Variants in DMC1 observed in about 807,000 individuals in gnomAD.
DMC1 encodes the protein DNA meiotic recombinase 1.
Under a neutral mutation model 50.1 loss-of-function variants are expected in DMC1, and 27 were observed. The observed-to-expected ratio is 0.54, with a 90% CI of 0.40 to 0.74. The LOEUF (loss-of-function observed/expected upper bound fraction) is 0.74. DMC1 is among the 30% of genes least tolerant of loss of function. The pLI, the probability that DMC1 is intolerant of heterozygous loss-of-function variation, is 0.00. For missense variants in DMC1, 295 were observed against 420.2 expected, an observed-to-expected ratio of 0.70 and a Z score of 2.60; for synonymous variants, 148 against 136.1, an observed-to-expected ratio of 1.09 and a Z score of -0.61.
intron 7 of DMC1, 73 bp from the exon 8 acceptor site, chr22:38,550,070 G>T: frequency 9.3e-7 from 1 of 1,076,542 alleles, no homozygotes; most frequent in South Asian, 1.3e-5. Context: ...AAATACACAT[G>T]GAATCTGCTG....
At chr22:38,527,447 C>T (rs983243413) in intron 12 of DMC1, among the ~76,000 whole-genome samples, 21 of 151,844 alleles carry the variant, frequency 1.4e-4, no homozygotes, top group Admixed American at 8.5e-4. Context: ...TCAAGTGATC[C>T]GCCCACCTCG....
intron 6 of DMC1, among the ~76,000 whole-genome samples, chr22:38,552,979 C>T (rs949931777): frequency 1.3e-5 from 2 of 151,518 alleles, no homozygotes; most frequent in Non-Finnish European, 2.9e-5. Context: ...TCCTGAGTAG[C>T]TGGGATTACA....
chr22:38,554,279 G>A (rs770390193), intron 6 of DMC1, among the ~76,000 whole-genome samples: 13 of 152,000 alleles, frequency 8.6e-5, no homozygotes, highest in South Asian at 6.2e-4. Context: ...AAGCAAATTC[G>A]TTCTGGAGGA....
intron 3 of DMC1, among the ~76,000 whole-genome samples, chr22:38,567,110 A>G (rs558481187): frequency 6.6e-6 from 1 of 152,126 alleles, no homozygotes; most frequent in African/African-American, 2.4e-5. Context: ...TTAAATTTGT[A>G]AAGATTTTTT....
chr22:38,561,178 AT>A (rs75412644), intron 5 of DMC1, among the ~76,000 whole-genome samples: 458 of 141,492 alleles, frequency 3.2e-3, no homozygotes, highest in Middle Eastern at 3.6e-3. Context: ...CAGCTAATTA[AT>A]TTTTTTTTTT....
chr22:38,568,152 T>G (rs1448610755), intron 2 of DMC1, 54 bp downstream of exon 2: 13 of 1,538,362 alleles, frequency 8.5e-6, no homozygotes, highest in Non-Finnish European at 1.2e-5. Context: ...GGAAGGAACT[T>G]GATTTTTGCG....
At chr22:38,556,139 G>C (rs1015220197) in intron 5 of DMC1, among the ~76,000 whole-genome samples, 5 of 152,078 alleles carry the variant, frequency 3.3e-5, no homozygotes, top group Non-Finnish European at 7.4e-5. Flanking sequence ...GCCCATCTTA[G>C]TTATTAATTG....
the DMC1 span, among the ~76,000 whole-genome samples, chr22:38,510,547 G>A: frequency 6.6e-6 from 1 of 152,166 alleles, no homozygotes; most frequent in Non-Finnish European, 1.5e-5. Flanking sequence ...AGTATATCCT[G>A]CCAAGACCCC....
chr22:38,554,813 T>C (rs2090451693), intron 6 of DMC1, among the ~76,000 whole-genome samples: 1 of 151,666 alleles, frequency 6.6e-6, no homozygotes, highest in African/African-American at 2.4e-5. Flanking sequence ...AAAAAATCTA[T>C]TATCAGCTGG....
the DMC1 span, among the ~76,000 whole-genome samples, chr22:38,513,808 C>T: frequency 1.3e-5 from 2 of 152,330 alleles, no homozygotes; most frequent in South Asian, 2.1e-4. Context: ...TCAGGTGATC[C>T]GCCCTCCTCG....
chr22:38,560,054 CAAAT>C (rs2090510629), intron 5 of DMC1, among the ~76,000 whole-genome samples: 1 of 151,312 alleles, frequency 6.6e-6, no homozygotes, highest in South Asian at 2.1e-4. Context: ...AAAATAAACA[CAAAT>C]AAGTAAAATA....
intron 12 of DMC1, among the ~76,000 whole-genome samples, chr22:38,525,358 T>C (rs1236680200): frequency 6.6e-6 from 1 of 152,074 alleles, no homozygotes. Context: ...TAAAAGAAGA[T>C]AGATTCCCCC....
chr22:38,548,627 A>C (rs940703258), intron 8 of DMC1, among the ~76,000 whole-genome samples: 3 of 151,938 alleles, frequency 2.0e-5, no homozygotes. Flanking sequence ...TAATTCCAAC[A>C]CTTTGGGAGG....
Position 38,544,476 on chromosome 22 carries a change from T to C in DMC1, c.495-5064A>G, listed in dbSNP as rs1436145629. Among the ~76,000 whole-genome samples, 6 of 152,162 alleles carry C rather than the reference T, an allele frequency of 3.9e-5. No homozygotes were observed. In the East Asian group the frequency reaches 1.2e-3, roughly 29 times the overall value. ...TTCAGGTTGTCCCGCCTTTCCAGACTGGACCAATGTTCTTCTTACATATAC... is the reference window on the plus strand; with the variant it reads ...TTCAGGTTGTCCCGCCTTTCCAGACCGGACCAATGTTCTTCTTACATATAC... On this transcript the variant is annotated intron_variant, in intron 8 of 13. Coordinates refer to ENST00000216024, the MANE Select transcript of DMC1 (RefSeq NM_007068.4).
chr22:38,559,875 G>A (rs1032817288), intron 5 of DMC1, among the ~76,000 whole-genome samples: 3 of 151,974 alleles, frequency 2.0e-5, no homozygotes, highest in African/African-American at 7.2e-5. Context: ...AAAATTAGCC[G>A]GGCGTGGTGG....
downstream of DMC1, among the ~76,000 whole-genome samples, chr22:38,516,834 T>C (rs1459921654): frequency 6.6e-6 from 1 of 152,132 alleles, no homozygotes; most frequent in African/African-American, 2.4e-5. Context: ...TTTTTCTTTA[T>C]TTTTCTTTTT....
At position 38,557,654 on chromosome 22, in the gene DMC1, G is replaced by A. The variant is rs2090481447; in HGVS notation, c.327-2245C>T. Among the ~76,000 whole-genome samples the A allele has an allele frequency of 2.6e-5, 4 of 152,084 alleles. No homozygotes were observed. The South Asian group carries it at 8.3e-4, about 32-fold the overall frequency. ...CATTTTAGCCTGGGTGACAGAGTGA[G>A]ACCGTGTCTCAAAAAATAAAATAGA... On this transcript the variant is annotated intron_variant, in intron 5 of 13. Transcript: ENST00000216024.
At chr22:38,517,402 C>G (rs1489374169), downstream of DMC1, among the ~76,000 whole-genome samples, 2 of 152,118 alleles carry the variant, frequency 1.3e-5, no homozygotes, top group African/African-American at 4.8e-5. Flanking sequence ...AACCCCATCT[C>G]TACTGAAAAT....
intron 7 of DMC1, among the ~76,000 whole-genome samples, chr22:38,550,930 C>CAAAAAAAAAAAAA (rs60295497): frequency 1.7e-5 from 1 of 57,758 alleles, no homozygotes; most frequent in Non-Finnish European, 3.1e-5. Context: ...GACTCCATCT[C>CAAAAAAAAAAAAA]AAAAAAAAAA....
Sources: allele counts gnomAD v4.1 joint callset (sites outside exome capture counted in the v4.1 genomes callset), GRCh38; gene constraint gnomAD v4.1.1; transcripts MANE v1.5; gene names NCBI Gene and HGNC (gene_info 2026-07-23, HGNC 2026-07-21).